Variants in SMR3B observed in about 807,000 individuals in gnomAD.
SMR3B encodes submaxillary gland androgen regulated protein 3B.
For synonymous variants in SMR3B, 42 were observed against 36.1 expected, an observed-to-expected ratio of 1.16 and a Z score of -0.59; for missense variants, 114 against 99.9, an observed-to-expected ratio of 1.14 and a Z score of -0.60.
chr4:70,388,532 G>T (rs1732706583), intron 2 of SMR3B, among the ~76,000 whole-genome samples: 1 of 152,062 alleles, frequency 6.6e-6, no homozygotes, highest in Non-Finnish European at 1.5e-5. Context: ...AACAGGAGGT[G>T]GGTCCTTTTA....
chr4:70,384,672 A>G, intron 2 of SMR3B, 108 bp downstream of exon 2: 5 of 1,557,928 alleles, frequency 3.2e-6, no homozygotes, highest in Non-Finnish European at 4.3e-6. Flanking sequence ...ATTAGTAACT[A>G]TTAATCATCA....
intron 2 of SMR3B, among the ~76,000 whole-genome samples, chr4:70,389,189 A>G (rs1235665265): frequency 6.6e-6 from 1 of 152,196 alleles, no homozygotes; most frequent in Non-Finnish European, 1.5e-5. Flanking sequence ...AACTTGGCTT[A>G]GTTGGCTTCT....
At position 70,389,556 on chromosome 4, in the gene SMR3B, A is replaced by G. The variant is rs1577877678; in HGVS notation, c.55-107A>G. The G allele has an allele frequency of 1.5e-5, 18 of 1,165,236 alleles. No individual in the cohort carries two copies. In the East Asian group the frequency reaches 4.1e-4, roughly 27 times the overall value. 72.2% of individuals were successfully genotyped at this position (1,165,236 alleles called of 1,614,324 possible). On this transcript the variant is annotated intron_variant, in intron 2 of 2. Transcript: ENST00000304915. ...AGGCCAGCATGTGCCAGCAGGGAGT[A>G]GAAATCTTGGGGCCATCTCAGAGTT...
intron 2 of SMR3B, among the ~76,000 whole-genome samples, chr4:70,386,907 A>G (rs1055486781): frequency 2.0e-5 from 3 of 152,194 alleles, no homozygotes; most frequent in Admixed American, 2.0e-4. Context: ...CTTGGGTCAA[A>G]TGCCCTCCAT....
At chr4:70,387,703 G>A (rs1732689695) in intron 2 of SMR3B, among the ~76,000 whole-genome samples, 1 of 152,134 alleles carries the variant, frequency 6.6e-6, no homozygotes, top group Non-Finnish European at 1.5e-5. Flanking sequence ...AGAAAAGCCA[G>A]TTTGGTGGGG....
At chr4:70,385,185 A>G (rs1732637000) in intron 2 of SMR3B, 1 of 152,214 alleles carries the variant, frequency 6.6e-6, no homozygotes, top group Non-Finnish European at 1.5e-5. Context: ...TAGTAGAATC[A>G]TACTCGATTT....
intron 2 of SMR3B, among the ~76,000 whole-genome samples, chr4:70,386,463 A>G (rs1441270110): frequency 1.3e-5 from 2 of 151,162 alleles, no homozygotes; most frequent in Non-Finnish European, 3.0e-5. Context: ...CACACAAATA[A>G]AGCAAGTCTA....
intron 2 of SMR3B, among the ~76,000 whole-genome samples, chr4:70,386,976 G>T (rs1012017241): frequency 2.6e-5 from 4 of 152,158 alleles, no homozygotes; most frequent in Admixed American, 2.6e-4. Flanking sequence ...CTACAGAAGT[G>T]CCTTGGTATT....
chr4:70,383,620 G>A (rs1462131817), intron 1 of SMR3B, among the ~76,000 whole-genome samples: 4 of 152,086 alleles, frequency 2.6e-5, no homozygotes, highest in Non-Finnish European at 5.9e-5. Flanking sequence ...TATAGGAAAA[G>A]TACTAGTTAA....
At chr4:70,385,754 G>A (rs1346291267) in intron 2 of SMR3B, among the ~76,000 whole-genome samples, 1 of 152,042 alleles carries the variant, frequency 6.6e-6, no homozygotes, top group African/African-American at 2.4e-5. Flanking sequence ...GGTTACTGAG[G>A]TAGTCTGACC....
At chr4:70,387,121 C>T (rs1025799884) in intron 2 of SMR3B, among the ~76,000 whole-genome samples, 4 of 152,098 alleles carry the variant, frequency 2.6e-5, no homozygotes, top group African/African-American at 7.2e-5. Flanking sequence ...TTCAAAGTTT[C>T]GCTTTGAAGG....
At chr4:70,386,087 A>G (rs6854205) in intron 2 of SMR3B, among the ~76,000 whole-genome samples, 105,488 of 150,706 alleles carry the variant, frequency 0.7, 37,211 homozygotes, top group African/African-American at 0.76. Flanking sequence ...AGCTTGGCCA[A>G]CATGGTGAAA....
At position 70,384,563 on chromosome 4, in the gene SMR3B, CAGTAAGTATCATTA is replaced by C; in HGVS notation, c.54+1_54+14del. On this transcript the variant is annotated splice_donor_variant and splice_donor_5th_base_variant and coding_sequence_variant and intron_variant, in exon 2 of 3. Transcript: ENST00000304915. LOFTEE classifies it high-confidence loss of function. The stretch of plus-strand genomic sequence containing the variant: ...CTTTGGGCTCTTGCAGCGTGTTTCA[CAGTAAGTATCATTA>C]ATCACGATCACACTTCTTTATAGTT... 2 of 1,605,440 alleles carry C rather than the reference CAGTAAGTATCATTA, an allele frequency of 1.2e-6. No individual in the cohort carries two copies. The highest frequency in any genetic ancestry group is 1.7e-6 in the Non-Finnish European group (2 of 1,175,498).
At chr4:70,383,638 G>C (rs1732597256) in intron 1 of SMR3B, among the ~76,000 whole-genome samples, 1 of 152,068 alleles carries the variant, frequency 6.6e-6, no homozygotes, top group African/African-American at 2.4e-5. Context: ...TAAAGGAATA[G>C]CCACACCCAC....
At chr4:70,388,791 G>A (rs958538984) in intron 2 of SMR3B, among the ~76,000 whole-genome samples, 4 of 152,114 alleles carry the variant, frequency 2.6e-5, no homozygotes, top group African/African-American at 9.7e-5. Context: ...ATTGCACAAA[G>A]TAGGTGCTCA....
At chr4:70,388,968 T>C (rs1577877443) in intron 2 of SMR3B, among the ~76,000 whole-genome samples, 3 of 152,184 alleles carry the variant, frequency 2.0e-5, no homozygotes, top group Admixed American at 2.0e-4. Context: ...TTGCTCATTA[T>C]ATATATTTTT....
chr4:70,387,894 A>G (rs1732692380), intron 2 of SMR3B, among the ~76,000 whole-genome samples: 2 of 152,170 alleles, frequency 1.3e-5, no homozygotes, highest in African/African-American at 4.8e-5. Context: ...ATCCTCTACC[A>G]TTGTTAAGAA....
intron 2 of SMR3B, among the ~76,000 whole-genome samples, chr4:70,388,445 A>T (rs1269384707): frequency 6.6e-6 from 1 of 152,132 alleles, no homozygotes. Context: ...ATTGTGCTCT[A>T]TGTAAACCAT....
In SMR3B at chr4:70,384,583, G is replaced by A. The variant is rs765620326; in HGVS notation, c.54+19G>A. On this transcript the variant is annotated intron_variant, in intron 2 of 2. Transcript: ENST00000304915. ...TTTCACAGTAAGTATCATTAATCAC[G>A]ATCACACTTCTTTATAGTTTCTCAT... The A allele has an allele frequency of 3.0e-5, 47 of 1,584,072 alleles. No individual in the cohort carries two copies. Among genetic ancestry groups the A allele is most frequent in the East Asian group, 2.3e-5 (1 of 44,390 alleles).
Sources: gnomAD v4.1 joint callset for allele counts (sites outside exome capture counted in the v4.1 genomes callset) on GRCh38, gnomAD v4.1.1 for gene constraint, MANE v1.5 for transcripts, NCBI Gene and HGNC (gene_info 2026-07-23, HGNC 2026-07-21) for gene names.